The following SOX6 variants were observed in gnomAD, a reference collection of about 807,000 sequenced individuals.
SOX6 encodes SRY-box transcription factor 6.
SOX6 carries 11 observed loss-of-function variants against 97.8 expected under a neutral mutation model. The observed-to-expected ratio is 0.11, with a 90% CI of 0.07 to 0.19. The LOEUF (loss-of-function observed/expected upper bound fraction) is 0.19, where lower values mean the gene tolerates loss of function less well. SOX6 is among the 10% of genes least tolerant of loss of function. The pLI is 1.00. For synonymous variants in SOX6, 360 were observed against 371.4 expected (o/e 0.97, Z 0.35); for missense variants, 810 against 1,039.5 (o/e 0.78, Z 3.04).
chr11:16,139,285 A>G (rs75487510), intron 6 of SOX6, among the ~76,000 whole-genome samples: 8,472 of 152,192 alleles, frequency 0.056, 627 homozygotes, highest in East Asian at 0.37. Flanking sequence ...CTCTCACCCA[A>G]TAGTTTTAGC....
chr11:16,450,195 G>A (rs903215642), intron 1 of SOX6, among the ~76,000 whole-genome samples: 4 of 152,124 alleles, frequency 2.6e-5, no homozygotes, highest in Non-Finnish European at 4.4e-5. Flanking sequence ...ACTATCAGCT[G>A]TTAAGTAAGT....
At chr11:16,270,777 C>T (rs571075340) in intron 3 of SOX6, among the ~76,000 whole-genome samples, 133 of 151,344 alleles carry the variant, frequency 8.8e-4, no homozygotes, top group Middle Eastern at 6.8e-3. Flanking sequence ...CACAAAAGGG[C>T]AAATATTATA....
At chr11:16,580,470 C>G (rs1344547892) in intron 4 of SOX6, among the ~76,000 whole-genome samples, 2 of 152,012 alleles carry the variant, frequency 1.3e-5, no homozygotes, top group Non-Finnish European at 2.9e-5. Context: ...GTATTAACCC[C>G]TTTTGCCTCT....
chr11:16,132,989 G>A (rs978692813), intron 6 of SOX6, among the ~76,000 whole-genome samples: 2 of 151,952 alleles, frequency 1.3e-5, no homozygotes, highest in Non-Finnish European at 2.9e-5. Flanking sequence ...GTTGTGATAT[G>A]GTAAAATAGG....
chr11:16,219,618 A>G (rs1232437447), intron 4 of SOX6, among the ~76,000 whole-genome samples: 1 of 152,050 alleles, frequency 6.6e-6, no homozygotes, highest in Non-Finnish European at 1.5e-5. Context: ...GTAGAGAATA[A>G]TGTACAATTT....
At position 16,286,177 on chromosome 11, in the gene SOX6, G is replaced by T. The variant is rs76447178; in HGVS notation, c.445+32269C>A. 8.9e-3 allele frequency among the ~76,000 whole-genome samples: 1,358 copies of T among 152,212 alleles called. 23 individuals are homozygous for T. The highest frequency in any genetic ancestry group is 0.031 in the African/African-American group (1,269 of 41,556). Reference sequence around the variant, plus strand: ...CTCGAATAAGAGAATGTCTTTTACAGATTTCCAGGGTCCACGGTGATATTC... The same window carrying T: ...CTCGAATAAGAGAATGTCTTTTACATATTTCCAGGGTCCACGGTGATATTC... On this transcript the variant is annotated intron_variant, in intron 3 of 15. Coordinates refer to ENST00000683767, the MANE Select transcript of SOX6 (RefSeq NM_001367873.1).
At chr11:16,026,252 A>G (rs1284136917) in intron 12 of SOX6, among the ~76,000 whole-genome samples, 1 of 152,212 alleles carries the variant, frequency 6.6e-6, no homozygotes, top group Non-Finnish European at 1.5e-5. Context: ...CACGCCTAAA[A>G]AAATTCTGAG....
At chr11:16,529,726 T>C (rs1014879758) in intron 4 of SOX6, among the ~76,000 whole-genome samples, 7 of 152,074 alleles carry the variant, frequency 4.6e-5, no homozygotes, top group African/African-American at 1.7e-4. Flanking sequence ...ATAATGTATC[T>C]CAGAAATATT....
chr11:16,539,833 C>T lies in SOX6; in HGVS notation n.610-63445G>A, dbSNP rs549825968. ...CTGAAATTGAGGCAATAGTTAATAGCCTACCAACCAAAAAAAGTCCAGGCA... is the reference window on the plus strand; with the variant it reads ...CTGAAATTGAGGCAATAGTTAATAGTCTACCAACCAAAAAAAGTCCAGGCA... On this transcript the variant is annotated intron_variant and non_coding_transcript_variant, in intron 4 of 5. Coordinates refer to the SOX6 transcript ENST00000524520. Among the ~76,000 whole-genome samples the T allele has an allele frequency of 3.5e-4, 53 of 152,186 alleles. 1 individual carries two copies. In the South Asian group the frequency reaches 7.9e-3, roughly 23 times the overall value.
intron 3 of SOX6, among the ~76,000 whole-genome samples, chr11:16,625,935 A>G (rs910893086): frequency 6.6e-6 from 1 of 152,120 alleles, no homozygotes; most frequent in Non-Finnish European, 1.5e-5. Flanking sequence ...AAATTATTGA[A>G]CCAAAGGATG....
At chr11:16,111,230 C>T (rs1849220873) in intron 7 of SOX6, among the ~76,000 whole-genome samples, 1 of 152,154 alleles carries the variant, frequency 6.6e-6, no homozygotes, top group Non-Finnish European at 1.5e-5. Context: ...ACAACATTTG[C>T]TAAATCATCT....
intron 3 of SOX6, among the ~76,000 whole-genome samples, chr11:16,632,619 G>A (rs767289262): frequency 2.0e-5 from 3 of 152,204 alleles, no homozygotes; most frequent in Non-Finnish European, 4.4e-5. Flanking sequence ...GGTCCCCGGA[G>A]GGCAGGCACA....
chr11:16,727,449 AGATGGAATC>A, intron 2 of SOX6, among the ~76,000 whole-genome samples: 1 of 145,092 alleles, frequency 6.9e-6, no homozygotes, highest in South Asian at 2.3e-4. Context: ...TTTTTTTTTG[AGATGGAATC>A]TCGCTGTGCT....
chr11:16,355,296 C>A (rs1590152873), intron 1 of SOX6, among the ~76,000 whole-genome samples: 1 of 151,914 alleles, frequency 6.6e-6, no homozygotes, highest in Admixed American at 6.6e-5. Context: ...CTTTGACAGG[C>A]ATGATGGAAA....
intron 12 of SOX6, among the ~76,000 whole-genome samples, chr11:16,033,812 TG>T (rs1855447863): frequency 6.6e-6 from 1 of 151,758 alleles, no homozygotes; most frequent in Non-Finnish European, 1.5e-5. Flanking sequence ...GTGGAGGTTG[TG>T]GTGAGCCGAG....
intron 4 of SOX6, among the ~76,000 whole-genome samples, chr11:16,555,480 CA>C: frequency 6.6e-6 from 1 of 151,320 alleles, no homozygotes; most frequent in Admixed American, 6.6e-5. Flanking sequence ...TTTGGGGGTA[CA>C]TGTGATATTT....
chr11:16,673,778 C>T (rs951085214), intron 3 of SOX6, among the ~76,000 whole-genome samples: 1 of 152,122 alleles, frequency 6.6e-6, no homozygotes, highest in African/African-American at 2.4e-5. Flanking sequence ...CACCCTGATA[C>T]CAAAACCAGG....
At chr11:16,086,822 G>T (rs980607353) in intron 9 of SOX6, among the ~76,000 whole-genome samples, 1 of 152,182 alleles carries the variant, frequency 6.6e-6, no homozygotes, top group Non-Finnish European at 1.5e-5. Context: ...TATTCTGGAT[G>T]TTAACTGGAA....
intron 1 of SOX6, among the ~76,000 whole-genome samples, chr11:16,388,442 T>C (rs1256696142): frequency 1.3e-5 from 2 of 152,098 alleles, no homozygotes; most frequent in Non-Finnish European, 2.9e-5. Context: ...AGGTAGAAAT[T>C]GTTCTATTTT....
Sources: allele counts gnomAD v4.1 joint callset (sites outside exome capture counted in the v4.1 genomes callset), GRCh38; gene constraint gnomAD v4.1.1; transcripts MANE v1.5; gene names NCBI Gene and HGNC (gene_info 2026-07-23, HGNC 2026-07-21).